The following PANK2 variants were observed in gnomAD, a reference collection of about 807,000 sequenced individuals.
The protein encoded by PANK2 is pantothenate kinase 2.
PANK2 carries 36 observed loss-of-function variants against 43.1 expected under a neutral mutation model. That is an observed-to-expected ratio of 0.84 (90% CI 0.64 to 1.10). PANK2 has a LOEUF of 1.10. Ranked by LOEUF, PANK2 falls within the 50% of genes least tolerant of loss-of-function variation. The pLI, the probability that PANK2 is intolerant of heterozygous loss-of-function variation, is 0.00. For synonymous variants in PANK2, 281 were observed against 238.2 expected (o/e 1.18, Z -1.66); for missense variants, 576 against 593.3 (o/e 0.97, Z 0.30).
At position 3,927,580 on chromosome 20, in the gene PANK2, A is replaced by G. The variant is rs2090741918; in HGVS notation, c.*4286A>G. The G allele has an allele frequency of 6.6e-6, 1 of 152,172 alleles. No individual in the cohort carries two copies. Among genetic ancestry groups the G allele is most frequent in the Non-Finnish European group, 1.5e-5 (1 of 68,024 alleles). 9.4% of individuals were successfully genotyped at this position (152,172 alleles called of 1,614,324 possible). On this transcript the variant is annotated 3_prime_UTR_variant, in exon 7 of 7. Transcript: ENST00000610179. Reference sequence around the variant, plus strand: ...AGTGAGGAAACCCGAGGGCCAAACTACAAGACGAAAAAGTGCCCCGTTCCT... The same window carrying G: ...AGTGAGGAAACCCGAGGGCCAAACTGCAAGACGAAAAAGTGCCCCGTTCCT...
rs1158324804 is a variant in PANK2 at position 3,894,414 on chromosome 20, AT to A, written c.298+4691del. On this transcript the variant is annotated intron_variant, in intron 1 of 6. Transcript: ENST00000610179. Reference sequence around the variant, plus strand: ...CGCTACCACGCCTGGCTAATTTTGTATTTTTAGTAGAGACAAGGTTTCTCCA... The same window carrying A: ...CGCTACCACGCCTGGCTAATTTTGTATTTTAGTAGAGACAAGGTTTCTCCA... 1.4e-4 allele frequency among the ~76,000 whole-genome samples: 20 copies of A among 138,232 alleles called. No individual in the cohort carries two copies. The Admixed American group carries it at 1.5e-3, about 10-fold the overall frequency. The allele number at this position is 138,232 out of a possible 152,430, so 90.7% of individuals were successfully genotyped here.
intron 1 of PANK2, among the ~76,000 whole-genome samples, chr20:3,907,708 A>G (rs1196612236): frequency 2.0e-5 from 3 of 152,126 alleles, no homozygotes; most frequent in African/African-American, 4.8e-5. Context: ...GGTTGGCTCA[A>G]TACTTTGATA....
At chr20:3,899,739 G>C (rs1203535036) in intron 1 of PANK2, among the ~76,000 whole-genome samples, 1 of 122,704 alleles carries the variant, frequency 8.1e-6, no homozygotes, top group African/African-American at 3.1e-5. Flanking sequence ...ATGGAGTCTC[G>C]CTCTGTTGCC....
chr20:3,890,040 C>A, intron 1 of PANK2: 1 of 856,020 alleles, frequency 1.2e-6, no homozygotes, highest in Non-Finnish European at 1.7e-6. Context: ...ATTTTATCCT[C>A]GAGAAGGCTT....
At chr20:3,913,790 ATTTTT>A (rs57042549) in intron 4 of PANK2, among the ~76,000 whole-genome samples, 1 of 138,476 alleles carries the variant, frequency 7.2e-6, no homozygotes, top group African/African-American at 2.7e-5. Context: ...ATATATATAT[ATTTTT>A]TTTTTTTTTT....
Position 3,901,485 on chromosome 20 carries a change from A to G in PANK2, c.299-6441A>G, listed in dbSNP as rs6116084. On this transcript the variant is annotated intron_variant, in intron 1 of 6. Coordinates refer to ENST00000610179, the MANE Select transcript of PANK2 (RefSeq NM_001386393.1). ...CTCTAAATTTTGACACATTTAAACT[A>G]TCACTTCTATATTCTTGTGTAGAAT... is the stretch of plus-strand genomic sequence containing the variant. 3.7e-3 allele frequency: 1,632 copies of G among 442,566 alleles called. 20 individuals are homozygous for G. The highest frequency in any genetic ancestry group is 0.033 in the African/African-American group (1,530 of 46,472). The allele number at this position is 442,566 out of a possible 1,614,324, so 27.4% of individuals were successfully genotyped here. A position where few individuals can be genotyped will look rare whatever the true frequency, so the allele number is the denominator to read the frequency against.
chr20:3,918,554 T>C lies in PANK2; in HGVS notation c.1207-117T>C, dbSNP rs762550936. The C allele has an allele frequency of 3.3e-5, 47 of 1,426,530 alleles. 1 individual carries two copies. The highest frequency in any genetic ancestry group is 4.6e-5 in the Non-Finnish European group (47 of 1,014,114). 88.4% of individuals were successfully genotyped at this position (1,426,530 alleles called of 1,614,324 possible). ...TAGCCCTGGACCAACTGGACTAAAT[T>C]TGATCAGCAGTCAAATTGTTGCTAA... is the stretch of plus-strand genomic sequence containing the variant. On this transcript the variant is annotated intron_variant, in intron 5 of 6. Coordinates refer to ENST00000610179, the MANE Select transcript of PANK2 (RefSeq NM_001386393.1).
intron 4 of PANK2, among the ~76,000 whole-genome samples, chr20:3,914,265 A>T (rs1202015201): frequency 6.6e-6 from 1 of 151,976 alleles, no homozygotes; most frequent in Admixed American, 6.6e-5. Context: ...ATTTGTTATT[A>T]TCTGTCTTCT....
chr20:3,913,983 G>T (rs187357887), intron 4 of PANK2, among the ~76,000 whole-genome samples: 2 of 151,598 alleles, frequency 1.3e-5, no homozygotes, highest in Non-Finnish European at 2.9e-5. Context: ...CAGAGATGGG[G>T]TTTCACTATG....
Position 3,895,607 on chromosome 20 carries a change from C to T in PANK2, c.298+5879C>T, listed in dbSNP as rs150432971. On this transcript the variant is annotated intron_variant, in intron 1 of 6. Coordinates refer to ENST00000610179, the MANE Select transcript of PANK2 (RefSeq NM_001386393.1). ...TGGCTATTTTGATTATTTAAAAGAGCGGTGATGTTTTTTGGACTTAAAGTT... is the reference window on the plus strand; with the variant it reads ...TGGCTATTTTGATTATTTAAAAGAGTGGTGATGTTTTTTGGACTTAAAGTT... 7.5e-4 allele frequency among the ~76,000 whole-genome samples: 112 copies of T among 150,098 alleles called. 1 individual carries two copies. The East Asian group carries it at 0.014, about 19-fold the overall frequency.
Position 3,903,730 on chromosome 20 carries a change from C to T in PANK2, c.299-4196C>T, listed in dbSNP as rs146223015. Among the ~76,000 whole-genome samples, 767 of 150,712 alleles carry T rather than the reference C, an allele frequency of 5.1e-3. 6 individuals carry two copies. Among genetic ancestry groups the T allele is most frequent in the African/African-American group, 0.018 (741 of 41,120 alleles). On this transcript the variant is annotated intron_variant, in intron 1 of 6. Coordinates refer to ENST00000610179, the MANE Select transcript of PANK2 (RefSeq NM_001386393.1). ...GCAGCCTCCATCTCCTGGGATCAAGCGATTCTGCTGCCTCAGCTTTCTTAG... is the reference window on the plus strand; with the variant it reads ...GCAGCCTCCATCTCCTGGGATCAAGTGATTCTGCTGCCTCAGCTTTCTTAG...
chr20:3,895,171 C>G (rs1448728323), intron 1 of PANK2, among the ~76,000 whole-genome samples: 2 of 151,912 alleles, frequency 1.3e-5, no homozygotes, highest in African/African-American at 4.8e-5. Flanking sequence ...CTACTCAGGA[C>G]GCTGAGGCAG....
At chr20:3,893,924 G>GTTTTTTT (rs1046729224) in intron 1 of PANK2, among the ~76,000 whole-genome samples, 2 of 124,922 alleles carry the variant, frequency 1.6e-5, no homozygotes, top group African/African-American at 6.5e-5. Flanking sequence ...TTTTTTGTTT[G>GTTTTTTT]TTTTTTGTTT....
chr20:3,899,620 T>C (rs952383685), intron 1 of PANK2, among the ~76,000 whole-genome samples: 2 of 151,910 alleles, frequency 1.3e-5, no homozygotes, highest in African/African-American at 4.8e-5. Context: ...TACTGACTTG[T>C]AGATGTGTCA....
In PANK2 at chr20:3,906,927, T is replaced by G. The variant is rs1294814069; in HGVS notation, c.299-999T>G. 5.3e-5 allele frequency among the ~76,000 whole-genome samples: 8 copies of G among 151,344 alleles called. No homozygotes were observed. The East Asian group carries it at 1.6e-3, about 29-fold the overall frequency. On this transcript the variant is annotated intron_variant, in intron 1 of 6. Transcript: ENST00000610179. ...GATTCTCCTGCCTCAGCCTCCGGAG[T>G]AGCTGGGACTACAAGCGCACGCCAC...
intron 4 of PANK2, among the ~76,000 whole-genome samples, chr20:3,914,379 G>A (rs775640443): frequency 3.3e-5 from 5 of 151,698 alleles, no homozygotes; most frequent in Non-Finnish European, 7.4e-5. Context: ...GCAGTGTTGC[G>A]ATCATAACTG....
intron 4 of PANK2, among the ~76,000 whole-genome samples, chr20:3,916,529 C>T (rs762508223): frequency 6.6e-6 from 1 of 152,216 alleles, no homozygotes; most frequent in African/African-American, 2.4e-5. Flanking sequence ...TCTGATAGAG[C>T]AGTTTACCAG....
Position 3,928,015 on chromosome 20 carries a change from T to TC in PANK2, c.*4725dup, listed in dbSNP as rs2090751702. On this transcript the variant is annotated 3_prime_UTR_variant, in exon 7 of 7. Transcript: ENST00000610179. ...ACAAGCCCCTCTTTTTCTTCTGATA[T>TC]CCCCACTCAAATGGAAGCACACTCC... 6.6e-6 allele frequency: 1 copy of TC among 152,170 alleles called. No individual in the cohort carries two copies. Among genetic ancestry groups the TC allele is most frequent in the Admixed American group, 6.6e-5 (1 of 15,262 alleles). The allele number at this position is 152,170 out of a possible 1,614,324, so 9.4% of individuals were successfully genotyped here. A position where few individuals can be genotyped will look rare whatever the true frequency, so the allele number is the denominator to read the frequency against.
Position 3,927,193 on chromosome 20 carries a change from A to G in PANK2, c.*3899A>G, listed in dbSNP as rs1479449193. ...GCAGGGGCTTCCATCACAATCACTC[A>G]GTACTAGTTACCAGCTCTGATAGAA... is the stretch of plus-strand genomic sequence containing the variant. On this transcript the variant is annotated 3_prime_UTR_variant, in exon 7 of 7. Transcript: ENST00000610179. 3 of 152,100 alleles carry G rather than the reference A, an allele frequency of 2.0e-5. No homozygotes were observed. Among genetic ancestry groups the G allele is most frequent in the South Asian group, 2.1e-4 (1 of 4,834 alleles). 9.4% of individuals were successfully genotyped at this position (152,100 alleles called of 1,614,324 possible).
Sources: allele counts gnomAD v4.1 joint callset (sites outside exome capture counted in the v4.1 genomes callset), GRCh38; gene constraint gnomAD v4.1.1; transcripts MANE v1.5; gene names NCBI Gene and HGNC (gene_info 2026-07-23, HGNC 2026-07-21).